COL20A1: variants seen among roughly 807,000 people sequenced by gnomAD.
COL20A1 encodes collagen alpha-1(XX) chain.
A neutral mutation model predicts 152.9 loss-of-function variants in COL20A1; 164 were observed. That is an observed-to-expected ratio of 1.07 (90% CI 0.94 to 1.22). COL20A1 has a LOEUF of 1.22. Ranked by LOEUF, COL20A1 falls within the 50% of genes most tolerant of loss-of-function variation. The pLI is 0.00. For missense variants in COL20A1, 1,873 were observed against 1,744.8 expected (o/e 1.07, Z -1.31); for synonymous variants, 864 against 756.0 (o/e 1.14, Z -2.34).
In COL20A1 at chr20:63,319,954, C is replaced by G; in HGVS notation, c.2917-85C>G. On this transcript the variant is annotated intron_variant, in intron 23 of 35. Transcript: ENST00000358894. The surrounding 1 kb of genome is among the most constrained non-coding windows in gnomAD (Gnocchi z 4.4). ...CCCCAGGTCCCAGGGATGGGTGTTA[C>G]TCCCCAGCCCTGGCCTGGCCTTGGG... The G allele has an allele frequency of 7.8e-7, 1 of 1,284,320 alleles. No individual in the cohort carries two copies. The highest frequency in any genetic ancestry group is 1.4e-5 in the South Asian group (1 of 71,098). 79.6% of individuals were successfully genotyped at this position (1,284,320 alleles called of 1,614,324 possible). A position where few individuals can be genotyped will look rare whatever the true frequency, so the allele number is the denominator to read the frequency against.
chr20:63,317,861 C>T (rs890217319), intron 21 of COL20A1, among the ~76,000 whole-genome samples: 10 of 151,940 alleles, frequency 6.6e-5, no homozygotes, highest in East Asian at 5.8e-4. Flanking sequence ...GTGGTGTAGA[C>T]GCCCCCCGCC....
rs2123390381 is a variant in COL20A1, at chr20:63,306,800, T to C, written c.497-690T>C. Among the ~76,000 whole-genome samples the C allele has an allele frequency of 6.6e-6, 1 of 152,292 alleles. No homozygotes were observed. The highest frequency in any genetic ancestry group is 1.9e-4 in the East Asian group (1 of 5,178). ...AGGATTCTACCTCCCCCGTCAGACTTGGAACTGAAGGAAGTGTTCTCCTCA... is the reference window on the plus strand; with the variant it reads ...AGGATTCTACCTCCCCCGTCAGACTCGGAACTGAAGGAAGTGTTCTCCTCA... On this transcript the variant is annotated intron_variant, in intron 5 of 35. Transcript: ENST00000358894. This position sits in a 1 kb window ranked among gnomAD's most constrained non-coding sequence, Gnocchi z 6.9.
chr20:63,316,767 G>T (rs1038175156), intron 21 of COL20A1, 76 bp downstream of exon 21: 66 of 1,376,018 alleles, frequency 4.8e-5, no homozygotes, highest in East Asian at 3.9e-4. Flanking sequence ...ATGGTGGGGG[G>T]GCGGGCATGG....
Position 63,311,334 on chromosome 20 carries a change from G to C in COL20A1, c.1394-60G>C. 1 of 1,485,154 alleles carries C rather than the reference G, an allele frequency of 6.7e-7. No individual in the cohort carries two copies. Among genetic ancestry groups the C allele is most frequent in the Non-Finnish European group, 9.0e-7 (1 of 1,112,576 alleles). The allele number at this position is 1,485,154 out of a possible 1,614,324, so 92.0% of individuals were successfully genotyped here. On this transcript the variant is annotated intron_variant, in intron 11 of 35. Transcript: ENST00000358894. This position sits in a 1 kb window ranked among gnomAD's most constrained non-coding sequence, Gnocchi z 4.4. The stretch of plus-strand genomic sequence containing the variant: ...ACCCACTCTGGTGTGAGGGTGCCCC[G>C]TGCGTGGGTGTGATCTCTGTGTGGG...
At chr20:63,316,739 G>A (rs921817152) in intron 21 of COL20A1, 48 bp downstream of exon 21, 101 of 1,463,310 alleles carry the variant, frequency 6.9e-5, no homozygotes, top group Middle Eastern at 1.9e-4. Context: ...GGCTGGGGCC[G>A]CTGAAGATTA....
intron 8 of COL20A1, 61 bp downstream of exon 8, chr20:63,308,767 A>G: frequency 7.0e-7 from 1 of 1,429,320 alleles, no homozygotes; most frequent in Non-Finnish European, 9.3e-7. Flanking sequence ...TTAGGGTCGC[A>G]GCAGGGAGCT....
At position 63,320,173 on chromosome 20, in the gene COL20A1, G is replaced by A. The variant is rs1489740450; in HGVS notation, c.3051G>A (p.Arg1017=). The A allele has an allele frequency of 6.4e-7, 1 of 1,562,786 alleles. No homozygotes were observed. Among genetic ancestry groups the A allele is most frequent in the South Asian group, 1.2e-5 (1 of 86,696 alleles). Residue 1017 remains arginine, a synonymous_variant, in exon 24 of 36, where the codon AGG becomes AGA. Transcript: ENST00000358894. ...CGCTGGGGAGGCTGGCCAAGGCCAG[G>A]GGCCCCCGGAGCAGTTCGGCCGCGG... ...FVTLGRLAKA[R]GPRSSSAAFQ...
rs898692261 is a variant in COL20A1 at position 63,313,576 on chromosome 20, T to C, written c.2210-167T>C. 2.0e-5 allele frequency among the ~76,000 whole-genome samples: 3 copies of C among 151,404 alleles called. No homozygotes were observed. The highest frequency in any genetic ancestry group is 4.4e-5 in the Non-Finnish European group (3 of 67,826). The stretch of plus-strand genomic sequence containing the variant: ...TGCGGTGTGGGCAGTGGCAGGGGTG[T>C]GGTGTGGTTGTGCCAGGGGGGTGAT... On this transcript the variant is annotated intron_variant, in intron 17 of 35. Transcript: ENST00000358894. The surrounding 1 kb of genome is among the most constrained non-coding windows in gnomAD (Gnocchi z 5.9).
intron 27 of COL20A1, among the ~76,000 whole-genome samples, chr20:63,322,760 A>C (rs2068184030): frequency 6.6e-6 from 1 of 152,216 alleles, no homozygotes; most frequent in Non-Finnish European, 1.5e-5. Context: ...GTCGGCATGC[A>C]GCAAGGCCGC....
chr20:63,307,908 G>A (rs2067948543), intron 6 of COL20A1, 63 bp from the exon 7 acceptor site: 1 of 1,588,746 alleles, frequency 6.3e-7, no homozygotes, highest in Non-Finnish European at 8.6e-7. Flanking sequence ...GTGGCCTTGT[G>A]CCAAGCTCCC....
chr20:63,321,214 G>T, intron 26 of COL20A1, 115 bp downstream of exon 26: 3 of 656,768 alleles, frequency 4.6e-6, no homozygotes, highest in South Asian at 1.9e-5. Flanking sequence ...CCGTCCTGCC[G>T]CAGAGTTGGG....
intron 10 of COL20A1, among the ~76,000 whole-genome samples, 200 bp downstream of exon 10, chr20:63,310,115 C>T (rs535765739): frequency 5.1e-4 from 78 of 152,216 alleles, no homozygotes; most frequent in Non-Finnish European, 9.0e-4. Context: ...TTTTAGTGGC[C>T]GAGGAGGGCA....
At position 63,326,135 on chromosome 20, in the gene COL20A1, C is replaced by T. The variant is rs1315899427; in HGVS notation, c.3442C>T (p.Pro1148Ser). The change falls in exon 30 of 36, where the codon CCC becomes TCC. Residue 1148 changes from proline (P) to serine (S), a missense_variant. Pro to Ser is a moderately conservative substitution (Grantham distance 74, BLOSUM62 -1). Transcript: ENST00000358894. ...GLEGTAGLPGPPGPRGFQGMA... is the reference protein window; with the variant it reads ...GLEGTAGLPGSPGPRGFQGMA... ...GGAGGGAACTGCTGGCCTGCCTGGA[C>T]CCCCTGGCCCCAGGGTAGGCACCGA... 5 of 1,611,528 alleles carry T rather than the reference C, an allele frequency of 3.1e-6. No homozygotes were observed. The highest frequency in any genetic ancestry group is 1.1e-5 in the South Asian group (1 of 91,048).
Position 63,297,966 on chromosome 20 carries a change from A to C in COL20A1, c.139A>C (p.Arg47=). The C allele has an allele frequency of 6.2e-7, 1 of 1,613,158 alleles. No homozygotes were observed. The highest frequency in any genetic ancestry group is 8.5e-7 in the Non-Finnish European group (1 of 1,179,828). ...LPEDRLQMKW[R]ESEGSGLGYL... is the part of the protein sequence containing the mutation. ...TGAGGACCGGCTGCAGATGAAGTGG[A>C]GAGAGTCGGAGGGGAGCGGCCTCGG... Residue 47 remains arginine, a synonymous_variant, in exon 3 of 36, where the codon AGA becomes CGA. Transcript: ENST00000358894.
rs768845890 is a variant in COL20A1, at chr20:63,319,175, G to A, written c.2781G>A (p.Gln927=). The A allele has an allele frequency of 8.7e-6, 14 of 1,612,684 alleles. No individual in the cohort carries two copies. In the South Asian group the frequency reaches 1.3e-4, roughly 15 times the overall value. Residue 927 remains glutamine, a synonymous_variant, in exon 22 of 36, where the codon CAG becomes CAA. Transcript: ENST00000358894. This position sits in a 1 kb window ranked among gnomAD's most constrained non-coding sequence, Gnocchi z 4.4. ...ALWQMTAEDF[Q]PLLGVLLDAG... ...GGCAGATGACAGCCGAGGACTTCCA[G>A]CCCCTCCTTGGGGTTCTGCTGGATG...
intron 3 of COL20A1, among the ~76,000 whole-genome samples, chr20:63,300,289 T>C (rs1262899697): frequency 6.6e-6 from 1 of 152,116 alleles, no homozygotes; most frequent in Non-Finnish European, 1.5e-5. Flanking sequence ...GTTGGTGGTA[T>C]TTTTTTCCTT....
Position 63,311,551 on chromosome 20 carries a change from C to CG in COL20A1, c.1539+18dup. The CG allele has an allele frequency of 3.1e-6, 5 of 1,597,314 alleles. No individual in the cohort carries two copies. Among genetic ancestry groups the CG allele is most frequent in the Non-Finnish European group, 4.3e-6 (5 of 1,171,648 alleles). On this transcript the variant is annotated intron_variant, in intron 12 of 35. Coordinates refer to ENST00000358894, the MANE Select transcript of COL20A1 (RefSeq NM_020882.4). This position sits in a 1 kb window ranked among gnomAD's most constrained non-coding sequence, Gnocchi z 4.4. Reference sequence around the variant, plus strand: ...AGGAGGAGCGAGAGGTGAGCTGGGCCGGGGGGTGGCGGGGGAGGCAGAGGA... The same window carrying CG: ...AGGAGGAGCGAGAGGTGAGCTGGGCCGGGGGGGTGGCGGGGGAGGCAGAGGA...
In COL20A1 at chr20:63,309,372, C is replaced by T. The variant is rs779356135; in HGVS notation, c.980C>T (p.Ala327Val). ...NADEAELRLL[A>V]SPPRDITVHS... Reference sequence around the variant, plus strand: ...GATGAGGCTGAGCTGAGGCTCCTGGCGTCCCCGCCGAGGGACATCACCGTC... The same window carrying T: ...GATGAGGCTGAGCTGAGGCTCCTGGTGTCCCCGCCGAGGGACATCACCGTC... Residue 327 changes from alanine to valine, a missense_variant, in exon 9 of 36, where the codon GCG (alanine) becomes GTG (valine). Ala to Val is a moderately conservative substitution (Grantham distance 64). Transcript: ENST00000358894. The T allele has an allele frequency of 6.5e-6, 10 of 1,530,844 alleles. No homozygotes were observed. Among genetic ancestry groups the T allele is most frequent in the African/African-American group, 4.1e-5 (3 of 72,560 alleles). The allele number at this position is 1,530,844 out of a possible 1,614,324, so 94.8% of individuals were successfully genotyped here.
chr20:63,302,366 G>C (rs1290337590), intron 3 of COL20A1, among the ~76,000 whole-genome samples: 1 of 152,118 alleles, frequency 6.6e-6, no homozygotes, highest in Non-Finnish European at 1.5e-5. Flanking sequence ...TGTCACTCAG[G>C]CTGGAGTGCA....
Sources: gnomAD v4.1 joint callset for allele counts (sites outside exome capture counted in the v4.1 genomes callset) on GRCh38, gnomAD v4.1.1 for gene constraint, Gnocchi (gnomAD v3.1) non-coding constraint, MANE v1.5 for transcripts, NCBI Gene and HGNC (gene_info 2026-07-23, HGNC 2026-07-21) for gene names.